EDA: variants seen among roughly 807,000 people sequenced by gnomAD.
EDA encodes the protein ectodysplasin A, also known as ectodysplasin-A.
In EDA, 2 loss-of-function variants were observed where a neutral mutation model predicts 23.6. That is an observed-to-expected ratio of 0.08 (90% CI 0.03 to 0.27). The LOEUF (loss-of-function observed/expected upper bound fraction) is 0.27, where lower values mean the gene tolerates loss of function less well. Ranked by LOEUF, EDA falls within the 10% of genes least tolerant of loss-of-function variation. The pLI is 1.00. For missense variants in EDA, 229 were observed against 324.2 expected, an observed-to-expected ratio of 0.71 and a Z score of 2.26; for synonymous variants, 131 against 132.0, an observed-to-expected ratio of 0.99 and a Z score of 0.05.
intron 1 of EDA, among the ~76,000 whole-genome samples, chrX:69,903,798 T>C (rs1270180371): frequency 3.6e-5 from 4 of 110,658 alleles, no homozygotes; most frequent in Admixed American, 9.6e-5. Context: ...TGTACATATG[T>C]ATGGGGTACA....
chrX:69,623,596 G>C (rs1310108832), intron 1 of EDA, among the ~76,000 whole-genome samples: 1 of 109,897 alleles, frequency 9.1e-6, no homozygotes, highest in Non-Finnish European at 1.9e-5. Flanking sequence ...CTTTATGTCT[G>C]TTACATACTT....
chrX:69,826,780 G>A (rs1190207613), intron 1 of EDA, among the ~76,000 whole-genome samples: 1 of 110,146 alleles, frequency 9.1e-6, no homozygotes, highest in Non-Finnish European at 1.9e-5. Context: ...AGTTGATGCA[G>A]TTTCTTCCTA....
intron 1 of EDA, among the ~76,000 whole-genome samples, chrX:69,837,867 T>C (rs893735425): frequency 8.9e-6 from 1 of 112,561 alleles, no homozygotes; most frequent in African/African-American, 3.2e-5. Context: ...CAGGGAGACC[T>C]GGGGACTCAA....
intron 1 of EDA, among the ~76,000 whole-genome samples, chrX:69,883,976 A>G (rs2017789985): frequency 9.1e-6 from 1 of 110,415 alleles, no homozygotes; most frequent in Non-Finnish European, 1.9e-5. Context: ...TGGTGGGAGG[A>G]TTGCTTGAGC....
chrX:69,883,542 C>T lies in EDA; in HGVS notation c.397-73485C>T, dbSNP rs1311180422. Among the ~76,000 whole-genome samples the T allele has an allele frequency of 9.9e-5, 11 of 111,573 alleles. No homozygotes were observed. The South Asian group carries it at 3.4e-3, about 34-fold the overall frequency. On this transcript the variant is annotated intron_variant, in intron 1 of 7. Coordinates refer to ENST00000374552, the MANE Select transcript of EDA (RefSeq NM_001399.5). ...AAGATTCTTGCCTTTATTGACTTCC[C>T]GGTGCTGTGGGAAAGTCCTATCTAT...
At chrX:69,976,304 T>C (rs6625549) in intron 2 of EDA, among the ~76,000 whole-genome samples, 9,706 of 110,877 alleles carry the variant, frequency 0.088, 843 homozygotes, top group East Asian at 0.61. Context: ...TTCTTTCTCA[T>C]TTTTTCTGAC....
At chrX:69,697,011 T>C (rs2011370726) in intron 1 of EDA, among the ~76,000 whole-genome samples, 1 of 111,649 alleles carries the variant, frequency 9.0e-6, no homozygotes, top group Non-Finnish European at 1.9e-5. Flanking sequence ...TACAATATAA[T>C]GAGATATTTT....
intron 1 of EDA, among the ~76,000 whole-genome samples, chrX:69,731,322 A>C (rs2013016557): frequency 8.9e-6 from 1 of 112,166 alleles, no homozygotes; most frequent in Non-Finnish European, 1.9e-5. Flanking sequence ...CTTCATTGAC[A>C]CTTCTCAATT....
At chrX:69,686,503 C>G (rs1334175079) in intron 1 of EDA, among the ~76,000 whole-genome samples, 2 of 111,722 alleles carry the variant, frequency 1.8e-5, no homozygotes, top group Non-Finnish European at 3.8e-5. Context: ...TTAGTACATT[C>G]ACAGAGTTGT....
intron 1 of EDA, among the ~76,000 whole-genome samples, chrX:69,909,655 T>C (rs1016216858): frequency 4.4e-5 from 5 of 112,930 alleles, no homozygotes; most frequent in Non-Finnish European, 9.4e-5. Flanking sequence ...CTCTTTTCTT[T>C]TGTATGTATG....
intron 1 of EDA, among the ~76,000 whole-genome samples, chrX:69,955,712 T>G (rs945680026): frequency 2.7e-5 from 3 of 112,204 alleles, no homozygotes; most frequent in Admixed American, 1.9e-4. Flanking sequence ...TGCTACATGC[T>G]AAGTACTGTT....
At chrX:69,646,781 T>A (rs1932935974) in intron 1 of EDA, among the ~76,000 whole-genome samples, 1 of 112,098 alleles carries the variant, frequency 8.9e-6, no homozygotes, top group Non-Finnish European at 1.9e-5. Context: ...ATGTGGTTGC[T>A]TCATAGTGTC....
At chrX:69,789,182 G>T (rs2804326) in intron 1 of EDA, among the ~76,000 whole-genome samples, 1 of 110,630 alleles carries the variant, frequency 9.0e-6, no homozygotes, top group Non-Finnish European at 1.9e-5. Flanking sequence ...ACTGACCTGC[G>T]CCCACTGTCT....
At chrX:69,743,636 G>GA (rs2013528513) in intron 1 of EDA, among the ~76,000 whole-genome samples, 2 of 111,422 alleles carry the variant, frequency 1.8e-5, no homozygotes, top group Non-Finnish European at 3.8e-5. Context: ...TCATCCAAGG[G>GA]AAAATTGTGC....
chrX:69,991,634 G>A (rs1048558827), intron 2 of EDA, among the ~76,000 whole-genome samples: 2 of 111,570 alleles, frequency 1.8e-5, no homozygotes, highest in Admixed American at 9.5e-5. Context: ...ACCTAATTGG[G>A]CTCCCTTCTG....
rs1569317439 is a variant in EDA at position 69,749,922 on chromosome X, C to CT, written c.396+133245dup. Among the ~76,000 whole-genome samples, 303 of 33,233 alleles carry CT rather than the reference C, an allele frequency of 9.1e-3. 41 individuals carry two copies. Among genetic ancestry groups the CT allele is most frequent in the Non-Finnish European group, 0.011 (157 of 14,132 alleles). 28.9% of individuals were successfully genotyped at this position (33,233 alleles called of 115,157 possible). ...TTAGAAACTTCCTCTCACTAAGGTT[C>CT]TTTTTTTTTTTTTTTTTTTTTTTTT... On this transcript the variant is annotated intron_variant, in intron 1 of 7. Coordinates refer to ENST00000374552, the MANE Select transcript of EDA (RefSeq NM_001399.5).
chrX:69,890,295 T>C (rs2147630504), intron 1 of EDA, among the ~76,000 whole-genome samples: 1 of 110,579 alleles, frequency 9.0e-6, no homozygotes, highest in African/African-American at 3.3e-5. Context: ...AAAATGGCCA[T>C]ACTGCCCAGA....
chrX:69,875,839 A>G (rs1209108666), intron 1 of EDA, among the ~76,000 whole-genome samples: 4 of 111,990 alleles, frequency 3.6e-5, no homozygotes, highest in Non-Finnish European at 7.5e-5. Context: ...ACATGAATAG[A>G]CAGTTCTCAA....
chrX:70,029,564 G>T (rs756015428), intron 5 of EDA, 26 bp downstream of exon 5: 5 of 1,204,949 alleles, frequency 4.1e-6, no homozygotes, highest in African/African-American at 3.5e-5. Context: ...CTCTCTTCCT[G>T]GGTAGGAGGG....
Sources: allele counts gnomAD v4.1 joint callset (sites outside exome capture counted in the v4.1 genomes callset), GRCh38; gene constraint gnomAD v4.1.1; transcripts MANE v1.5; gene names NCBI Gene and HGNC (gene_info 2026-07-23, HGNC 2026-07-21).